SENP1: variants seen among roughly 807,000 people sequenced by gnomAD.
SENP1 encodes the protein sentrin-specific protease 1.
Under a neutral mutation model 93.0 loss-of-function variants are expected in SENP1, and 21 were observed. That is an observed-to-expected ratio of 0.23 (90% CI 0.16 to 0.33). The LOEUF (loss-of-function observed/expected upper bound fraction) is 0.33, where lower values mean the gene tolerates loss of function less well. Among genes scored for constraint, SENP1 ranks in the 10% least tolerant of loss-of-function variants. The pLI, the probability that SENP1 is intolerant of heterozygous loss-of-function variation, is 1.00. For synonymous variants in SENP1, 256 were observed against 259.6 expected, an observed-to-expected ratio of 0.99 and a Z score of 0.13; for missense variants, 591 against 758.7, an observed-to-expected ratio of 0.78 and a Z score of 2.60.
intron 5 of SENP1, among the ~76,000 whole-genome samples, chr12:48,086,320 T>G (rs1388625211): frequency 2.0e-5 from 3 of 152,194 alleles, no homozygotes; most frequent in Admixed American, 2.0e-4. Context: ...TTAAGAAGTG[T>G]AAAAGTGATA....
intron 1 of SENP1, chr12:48,105,038 T>C (rs1157481056): frequency 1.1e-5 from 2 of 185,578 alleles, no homozygotes; most frequent in Non-Finnish European, 2.3e-5. Flanking sequence ...ACATGAGTCC[T>C]TAACACAAAT....
chr12:48,077,651 T>C (rs963024605), intron 6 of SENP1, among the ~76,000 whole-genome samples: 4 of 152,192 alleles, frequency 2.6e-5, no homozygotes, highest in African/African-American at 9.7e-5. Context: ...GTTACATATG[T>C]ATACATGTGC....
At chr12:48,048,876 G>T in intron 14 of SENP1, 53 bp downstream of exon 14, 1 of 1,378,556 alleles carries the variant, frequency 7.3e-7, no homozygotes, top group Non-Finnish European at 1.0e-6. Flanking sequence ...CCCTCTGTGT[G>T]TTCTATAAGT....
Position 48,082,626 on chromosome 12 carries a change from C to T in SENP1, c.552+965G>A, listed in dbSNP as rs117629067. Among the ~76,000 whole-genome samples, 1,299 of 152,310 alleles carry T rather than the reference C, an allele frequency of 8.5e-3. 13 individuals carry two copies. Among genetic ancestry groups the T allele is most frequent in the Middle Eastern group, 0.02 (6 of 294 alleles). On this transcript the variant is annotated intron_variant, in intron 6 of 17. Coordinates refer to ENST00000549518, the MANE Select transcript of SENP1 (RefSeq NM_001267594.2). Reference sequence around the variant, plus strand: ...ATCTCCAAGCAACCACAGCATTAGACGTACATTAAATATGTAATCTAACAG... The same window carrying T: ...ATCTCCAAGCAACCACAGCATTAGATGTACATTAAATATGTAATCTAACAG...
At chr12:48,089,842 G>A (rs1489443713) in intron 4 of SENP1, among the ~76,000 whole-genome samples, 3 of 152,246 alleles carry the variant, frequency 2.0e-5, no homozygotes, top group Non-Finnish European at 4.4e-5. Flanking sequence ...TTTTTCTAAT[G>A]CTGACATTAT....
At chr12:48,051,312 A>G (rs781559528) in intron 13 of SENP1, among the ~76,000 whole-genome samples, 1 of 152,146 alleles carries the variant, frequency 6.6e-6, no homozygotes, top group Non-Finnish European at 1.5e-5. Flanking sequence ...TCCCTTTGAG[A>G]ATTCCTCTTC....
At chr12:48,081,930 C>G (rs1452970488) in intron 6 of SENP1, among the ~76,000 whole-genome samples, 1 of 151,662 alleles carries the variant, frequency 6.6e-6, no homozygotes, top group African/African-American at 2.4e-5. Flanking sequence ...ACTCTGTCAC[C>G]CAGGCTGGAG....
Position 48,045,229 on chromosome 12 carries a change from G to A in SENP1, c.*93C>T. The A allele has an allele frequency of 9.7e-7, 1 of 1,027,356 alleles. No individual in the cohort carries two copies. The highest frequency in any genetic ancestry group is 1.3e-5 in the South Asian group (1 of 74,756). The allele number at this position is 1,027,356 out of a possible 1,614,324, so 63.6% of individuals were successfully genotyped here. A position where few individuals can be genotyped will look rare whatever the true frequency, so the allele number is the denominator to read the frequency against. ...CAGGATCAAGGGTGTTACAACAGCA[G>A]AGGGCTGGGAGCAGCTGTTTCCAAG... On this transcript the variant is annotated 3_prime_UTR_variant, in exon 18 of 18. Coordinates refer to ENST00000549518, the MANE Select transcript of SENP1 (RefSeq NM_001267594.2).
At chr12:48,058,781 T>A (rs1287268070) in intron 13 of SENP1, among the ~76,000 whole-genome samples, 1 of 152,220 alleles carries the variant, frequency 6.6e-6, no homozygotes, top group Non-Finnish European at 1.5e-5. Context: ...TTCCATTTGA[T>A]ATTCTTCTTC....
At chr12:48,098,251 G>C in intron 2 of SENP1, 127 bp from the exon 3 acceptor site, 2 of 945,058 alleles carry the variant, frequency 2.1e-6, no homozygotes, top group Non-Finnish European at 3.0e-6. Context: ...TGTAATCCCA[G>C]CACTCTGAGA....
At chr12:48,105,464 G>A (rs751536569) in intron 1 of SENP1, 9 of 519,090 alleles carry the variant, frequency 1.7e-5, no homozygotes, top group South Asian at 1.3e-4. Flanking sequence ...AACCTGAGCA[G>A]GAGGGTCCAG....
At chr12:48,067,974 C>T (rs555375155) in intron 9 of SENP1, among the ~76,000 whole-genome samples, 30 of 152,254 alleles carry the variant, frequency 2.0e-4, no homozygotes, top group Non-Finnish European at 3.4e-4. Context: ...GATTCTCCTG[C>T]CTCAGCCTCC....
intron 4 of SENP1, among the ~76,000 whole-genome samples, chr12:48,092,123 A>G (rs1945262755): frequency 6.6e-6 from 1 of 152,212 alleles, no homozygotes; most frequent in African/African-American, 2.4e-5. Flanking sequence ...ATAAAGGAGA[A>G]GTTCCAGATC....
chr12:48,048,155 C>G, intron 14 of SENP1, 75 bp from the exon 15 acceptor site: 1 of 888,740 alleles, frequency 1.1e-6, no homozygotes, highest in South Asian at 1.4e-5. Context: ...CTTCCCTGCC[C>G]TTTGGAACCT....
At position 48,088,823 on chromosome 12, in the gene SENP1, G is replaced by C. The variant is rs757533014; in HGVS notation, c.358C>G (p.Leu120Val). The C allele has an allele frequency of 6.2e-7, 1 of 1,609,972 alleles. No homozygotes were observed. The highest frequency in any genetic ancestry group is 2.2e-5 in the East Asian group (1 of 44,840). Residue 120 changes from leucine (L) to valine (V), a missense_variant, in exon 5 of 18, where the codon CTC (leucine) becomes GTC (valine). By Grantham distance (32) the Leu-to-Val change is conservative. This residue lies in a region of SENP1 where 214 missense variants were observed against 243.4 expected (regional missense o/e 0.88). Transcript: ENST00000549518. ...QKSRNSRSLY[L>V]ETRKTSSGLS... ...AACCTTGAGGTCTTTCGGGTTTCGAGGTAAAGACTTCGGCTGTTTCTTGAT... is the reference window on the plus strand; with the variant it reads ...AACCTTGAGGTCTTTCGGGTTTCGACGTAAAGACTTCGGCTGTTTCTTGAT...
chr12:48,089,436 C>G, intron 4 of SENP1: 2 of 874,760 alleles, frequency 2.3e-6, no homozygotes, highest in Non-Finnish European at 3.0e-6. Flanking sequence ...CTCAGGTACT[C>G]TCTCAAAGAG....
chr12:48,056,926 AT>A (rs1942530289), intron 13 of SENP1, among the ~76,000 whole-genome samples: 1 of 59,956 alleles, frequency 1.7e-5, no homozygotes, highest in Non-Finnish European at 2.6e-5. Context: ...ATAATATATT[AT>A]TTAATATATT....
intron 1 of SENP1, chr12:48,105,343 G>C (rs1946427000): frequency 3.9e-6 from 2 of 517,202 alleles, no homozygotes; most frequent in Admixed American, 3.9e-5. Flanking sequence ...GAGAAACGAG[G>C]CATAGATCCA....
At chr12:48,067,566 C>T (rs1943383632) in intron 9 of SENP1, among the ~76,000 whole-genome samples, 1 of 152,168 alleles carries the variant, frequency 6.6e-6, no homozygotes, top group Admixed American at 6.5e-5. Flanking sequence ...CTCCAAACTC[C>T]TAACTAGGCA....
Sources: allele counts gnomAD v4.1 joint callset (sites outside exome capture counted in the v4.1 genomes callset), GRCh38; gene constraint gnomAD v4.1.1; regional missense constraint gnomAD v4.1.1; transcripts MANE v1.5; gene names NCBI Gene and HGNC (gene_info 2026-07-23, HGNC 2026-07-21).